Variants in WDFY4 observed in about 807,000 individuals in gnomAD.
The protein encoded by WDFY4 is WDFY family member 4.
In WDFY4, 169 loss-of-function variants were observed where a neutral mutation model predicts 351.9. The observed-to-expected ratio is 0.48, with a 90% confidence interval of 0.42 to 0.55. The LOEUF (loss-of-function observed/expected upper bound fraction) is 0.55. Among genes scored for constraint, WDFY4 ranks in the 20% least tolerant of loss-of-function variants. WDFY4 has a pLI of 0.00. For synonymous variants in WDFY4, 1,622 were observed against 1,574.6 expected (o/e 1.03, Z -0.71); for missense variants, 3,803 against 3,935.6 (o/e 0.97, Z 0.90).
At chr10:48,898,954 T>G (rs1018503098) in intron 45 of WDFY4, among the ~76,000 whole-genome samples, 1 of 151,900 alleles carries the variant, frequency 6.6e-6, no homozygotes, top group Non-Finnish European at 1.5e-5. Context: ...TTTCCACTAT[T>G]ATACATACAG....
At chr10:48,814,178 T>TA (rs2067544601) in intron 31 of WDFY4, 96 bp downstream of exon 31, 1 of 1,394,010 alleles carries the variant, frequency 7.2e-7, no homozygotes. Context: ...ATCTTCCCAC[T>TA]AATGCAAGTA....
At chr10:48,871,582 C>T (rs1467946226) in intron 40 of WDFY4, among the ~76,000 whole-genome samples, 1 of 151,306 alleles carries the variant, frequency 6.6e-6, no homozygotes, top group Non-Finnish European at 1.5e-5. Context: ...CTCAAGAGAT[C>T]CTCCTGCCTC....
At chr10:48,780,234 C>T (rs2066174745) in intron 19 of WDFY4, 115 bp downstream of exon 19, 3 of 1,322,714 alleles carry the variant, frequency 2.3e-6, no homozygotes, top group Middle Eastern at 1.9e-4. Flanking sequence ...TTGTTTATTA[C>T]TGGTAGGGTT....
intron 1 of WDFY4, among the ~76,000 whole-genome samples, chr10:48,707,463 G>A (rs1249069625): frequency 6.6e-6 from 1 of 152,192 alleles, no homozygotes; most frequent in African/African-American, 2.4e-5. Flanking sequence ...AGGGACCCAC[G>A]CAGCAATGTC....
chr10:48,810,317 A>G (rs949895486), intron 28 of WDFY4, among the ~76,000 whole-genome samples: 1 of 152,246 alleles, frequency 6.6e-6, no homozygotes, highest in Non-Finnish European at 1.5e-5. Flanking sequence ...TGGCCAACTT[A>G]CACTGCAACC....
intron 1 of WDFY4, among the ~76,000 whole-genome samples, chr10:48,689,760 T>C (rs534015197): frequency 2.0e-5 from 3 of 152,298 alleles, no homozygotes; most frequent in African/African-American, 7.2e-5. Flanking sequence ...TTGAACCAAA[T>C]AATTCCAAGG....
chr10:48,847,034 G>A (rs1398665801), intron 39 of WDFY4, among the ~76,000 whole-genome samples: 1 of 152,166 alleles, frequency 6.6e-6, no homozygotes, highest in Non-Finnish European at 1.5e-5. Context: ...TCCTATATTA[G>A]TTTCCTGGGA....
At chr10:48,962,089 C>G (rs977191221) in intron 53 of WDFY4, among the ~76,000 whole-genome samples, 1 of 152,334 alleles carries the variant, frequency 6.6e-6, no homozygotes, top group Admixed American at 6.5e-5. Context: ...GAAGGGCCAG[C>G]AGAAGGGTCA....
intron 12 of WDFY4, among the ~76,000 whole-genome samples, chr10:48,751,763 G>A (rs1382055699): frequency 6.6e-6 from 1 of 152,086 alleles, no homozygotes; most frequent in Non-Finnish European, 1.5e-5. Flanking sequence ...TCCACATAGG[G>A]GGCAGTCTGT....
At chr10:48,848,957 C>T (rs570201911) in intron 39 of WDFY4, among the ~76,000 whole-genome samples, 5 of 152,278 alleles carry the variant, frequency 3.3e-5, no homozygotes, top group East Asian at 1.9e-4. Flanking sequence ...GTTACCATTG[C>T]GTCCAGTGAG....
chr10:48,950,205 C>T (rs752938940), intron 51 of WDFY4, among the ~76,000 whole-genome samples: 3 of 152,140 alleles, frequency 2.0e-5, no homozygotes, highest in Non-Finnish European at 4.4e-5. Context: ...ACTCTCCAAT[C>T]GCCCCTCCCC....
intron 47 of WDFY4, among the ~76,000 whole-genome samples, chr10:48,918,814 G>A (rs1302041978): frequency 6.6e-6 from 1 of 152,206 alleles, no homozygotes; most frequent in African/African-American, 2.4e-5. Flanking sequence ...GTTTAGCAGA[G>A]TAAGGCCAGA....
In WDFY4 at chr10:48,820,311, C is replaced by T; in HGVS notation, c.5583C>T (p.Leu1861=). The T allele has an allele frequency of 6.4e-7, 1 of 1,551,550 alleles. No individual in the cohort carries two copies. Residue 1861 remains leucine (L), a synonymous_variant, in exon 33 of 62, where the codon CTC becomes CTT. Coordinates refer to ENST00000325239, the MANE Select transcript of WDFY4 (RefSeq NM_001394531.1). The part of the protein sequence containing the change: ...AAEGDSTVEG[L]QAPTKAHPAR... Reference sequence around the variant, plus strand: ...AAGGCGACAGCACAGTGGAGGGTCTCCAGGCTCCCACCAAGGCACATCCCG... The same window carrying T: ...AAGGCGACAGCACAGTGGAGGGTCTTCAGGCTCCCACCAAGGCACATCCCG...
In WDFY4 at chr10:48,813,944, C is replaced by T. The variant is rs763708433; in HGVS notation, c.5215-13C>T. The T allele has an allele frequency of 5.2e-6, 8 of 1,527,230 alleles. No homozygotes were observed. In the South Asian group the frequency reaches 8.6e-5, roughly 16 times the overall value. 94.6% of individuals were successfully genotyped at this position (1,527,230 alleles called of 1,614,324 possible). On this transcript the variant is annotated splice_polypyrimidine_tract_variant and intron_variant, in intron 30 of 61. Transcript: ENST00000325239. ...GCCGCAGGTCTGCTTACAGCTCCTG[C>T]CTCCTCTTCCAGGACAGCCTTGATG...
chr10:48,780,975 T>C (rs537382515), intron 19 of WDFY4, among the ~76,000 whole-genome samples: 1 of 152,314 alleles, frequency 6.6e-6, no homozygotes, highest in South Asian at 2.1e-4. Flanking sequence ...GAACCTTACA[T>C]ACACAGGGTT....
chr10:48,783,950 T>C (rs2066310093), intron 19 of WDFY4, among the ~76,000 whole-genome samples: 1 of 152,218 alleles, frequency 6.6e-6, no homozygotes, highest in African/African-American at 2.4e-5. Flanking sequence ...ACTTGGAACA[T>C]TGTAATGTGG....
At chr10:48,817,160 C>T (rs139088305) in intron 31 of WDFY4, 85 bp from the exon 32 acceptor site, 55 of 1,445,810 alleles carry the variant, frequency 3.8e-5, no homozygotes, top group Non-Finnish European at 5.0e-5. Flanking sequence ...AGGAAGGAAT[C>T]TTCTCCCTAG....
intron 24 of WDFY4, 84 bp from the exon 25 acceptor site, chr10:48,803,202 T>C (rs1242556210): frequency 1.5e-6 from 2 of 1,334,160 alleles, no homozygotes; most frequent in African/African-American, 1.5e-5. Flanking sequence ...GGATCACCTG[T>C]CCAGCACTGA....
chr10:48,774,904 G>T (rs889959560), intron 14 of WDFY4, among the ~76,000 whole-genome samples: 2 of 152,156 alleles, frequency 1.3e-5, no homozygotes, highest in African/African-American at 2.4e-5. Context: ...GGCTGGAGGG[G>T]GCTCCAAGGA....
Sources: allele counts gnomAD v4.1 joint callset (sites outside exome capture counted in the v4.1 genomes callset), GRCh38; gene constraint gnomAD v4.1.1; transcripts MANE v1.5; gene names NCBI Gene and HGNC (gene_info 2026-07-23, HGNC 2026-07-21).